ACTL7A: variants seen among roughly 807,000 people sequenced by gnomAD.
The protein encoded by ACTL7A is actin like 7A, also known as actin-like protein 7A.
A neutral mutation model predicts 30.3 loss-of-function variants in ACTL7A; 27 were observed. That is an observed-to-expected ratio of 0.89 (90% CI 0.66 to 1.23). The LOEUF (loss-of-function observed/expected upper bound fraction) is 1.23. Ranked by LOEUF, ACTL7A falls within the 50% of genes most tolerant of loss-of-function variation. The pLI, the probability that ACTL7A is intolerant of heterozygous loss-of-function variation, is 0.00. For synonymous variants in ACTL7A, 259 were observed against 241.4 expected, an observed-to-expected ratio of 1.07 and a Z score of -0.67; for missense variants, 566 against 571.8, an observed-to-expected ratio of 0.99 and a Z score of 0.10.
In ACTL7A at chr9:108,862,410, A is replaced by C. The variant is rs533177437; in HGVS notation, c.88A>C (p.Thr30Pro). 1.1e-5 allele frequency: 17 copies of C among 1,614,088 alleles called. No homozygotes were observed. Among genetic ancestry groups the C allele is most frequent in the African/African-American group, 1.3e-5 (1 of 75,048 alleles). The change falls in exon 1 of 1, where the codon ACT (threonine) becomes CCT (proline). Residue 30 changes from threonine to proline, a missense_variant. Physicochemically the swap from Thr to Pro is conservative, Grantham distance 38. Transcript: ENST00000333999. ...QAPLQTQALQ[T>P]ASLRDGPAKR... ...CCCCCTGCAGACACAGGCCCTCCAG[A>C]CTGCCTCTTTAAGGGATGGCCCGGC...
rs541324563 is a variant in ACTL7A at position 108,862,384 on chromosome 9, C to G, written c.62C>G (p.Ala21Gly). 2.0e-5 allele frequency: 33 copies of G among 1,613,706 alleles called. 1 individual carries two copies. The East Asian group carries it at 3.3e-4, about 16-fold the overall frequency. The change falls in exon 1 of 1, where the codon GCC becomes GGC. Residue 21 changes from alanine to glycine, a missense_variant. By Grantham distance (60) the Ala-to-Gly change is moderately conservative. Coordinates refer to ENST00000333999, the MANE Select transcript of ACTL7A (RefSeq NM_006687.4). ...DGPTKKVGNQ[A>G]PLQTQALQTA... The stretch of plus-strand genomic sequence containing the variant: ...CCCACCAAGAAGGTGGGCAACCAGG[C>G]CCCCCTGCAGACACAGGCCCTCCAG...
chr9:108,863,298 T>A lies in ACTL7A; in HGVS notation c.976T>A (p.Ser326Thr). ...FLCSEMFFKP[S>T]LIKSMQLGLH... ...CTGCTCGGAGATGTTCTTCAAGCCA[T>A]CTCTCATCAAGTCCATGCAGCTGGG... The change falls in exon 1 of 1, where the codon TCT (serine) becomes ACT (threonine). Residue 326 changes from serine to threonine, a missense_variant. Coordinates refer to ENST00000333999, the MANE Select transcript of ACTL7A (RefSeq NM_006687.4). 3 of 1,614,086 alleles carry A rather than the reference T, an allele frequency of 1.9e-6. No homozygotes were observed. Among genetic ancestry groups the A allele is most frequent in the Non-Finnish European group, 2.5e-6 (3 of 1,180,006 alleles).
Position 108,863,597 on chromosome 9 carries a change from CG to C in ACTL7A, c.1278del (p.Pro427LeufsTer27). 6.2e-7 allele frequency: 1 copy of C among 1,612,758 alleles called. No individual in the cohort carries two copies. Reference protein sequence around the residue: ...WVHRFEYEEHGPFFLYRRCF With the variant: ...WVHRFEYEEHXPFFLYRRCF ...TCCACCGCTTTGAGTACGAGGAACA[CG>C]GGCCTTTCTTCCTCTACAGAAGGTG... On this transcript the variant is annotated frameshift_variant, in exon 1 of 1. Coordinates refer to ENST00000333999, the MANE Select transcript of ACTL7A (RefSeq NM_006687.4). LOFTEE classifies it high-confidence loss of function.
rs775405375 is a variant in ACTL7A, at chr9:108,863,439, C to T, written c.1117C>T (p.Arg373Cys). The T allele has an allele frequency of 2.5e-5, 41 of 1,614,058 alleles. No homozygotes were observed. The highest frequency in any genetic ancestry group is 3.3e-5 in the Admixed American group (2 of 60,006). ...GSTMLSGFPN[R>C]LQKELSSMCP... ...CACGATGCTCAGTGGCTTCCCTAACCGTCTGCAGAAGGAGCTAAGCAGCAT... is the reference window on the plus strand; with the variant it reads ...CACGATGCTCAGTGGCTTCCCTAACTGTCTGCAGAAGGAGCTAAGCAGCAT... The change falls in exon 1 of 1, where the codon CGT (arginine) becomes TGT (cysteine). Residue 373 changes from arginine to cysteine, a missense_variant. By Grantham distance (180) the Arg-to-Cys change is radical (BLOSUM62 -3). Transcript: ENST00000333999.
Position 108,862,681 on chromosome 9 carries a change from A to C in ACTL7A, c.359A>C (p.Gln120Pro). The C allele has an allele frequency of 1.2e-6, 2 of 1,614,242 alleles. No homozygotes were observed. The highest frequency in any genetic ancestry group is 1.7e-6 in the Non-Finnish European group (2 of 1,180,046). The stretch of plus-strand genomic sequence containing the variant: ...AATCGCAAGGAGACATTCGTGGGGC[A>C]GGAACTCAACAACACAAACGTTCAT... ...GDNRKETFVG[Q>P]ELNNTNVHLK... Residue 120 changes from glutamine (Q) to proline (P), a missense_variant, in exon 1 of 1, where the codon CAG becomes CCG. Transcript: ENST00000333999.
rs1377290212 is a variant in ACTL7A, at chr9:108,863,314, T to C, written c.992T>C (p.Met331Thr). The C allele has an allele frequency of 4.3e-6, 7 of 1,614,028 alleles. No homozygotes were observed. Among genetic ancestry groups the C allele is most frequent in the Non-Finnish European group, 5.9e-6 (7 of 1,180,020 alleles). Residue 331 changes from methionine to threonine, a missense_variant, in exon 1 of 1, where the codon ATG becomes ACG. Transcript: ENST00000333999. ...MFFKPSLIKS[M>T]QLGLHTQTVS... ...TTCAAGCCATCTCTCATCAAGTCCA[T>C]GCAGCTGGGCCTCCACACCCAAACC... is the stretch of plus-strand genomic sequence containing the variant.
At position 108,862,821 on chromosome 9, in the gene ACTL7A, G is replaced by C. The variant is rs1326988523; in HGVS notation, c.499G>C (p.Val167Leu). Residue 167 changes from valine to leucine, a missense_variant, in exon 1 of 1, where the codon GTC becomes CTC. Transcript: ENST00000333999. Reference sequence around the variant, plus strand: ...GAAGATCGCCCCGGAGGAGCATGCGGTCTTGGTTTCAGACCCGCCACTGAG... The same window carrying C: ...GAAGATCGCCCCGGAGGAGCATGCGCTCTTGGTTTCAGACCCGCCACTGAG... ...EMKIAPEEHA[V>L]LVSDPPLSPH... 1.2e-6 allele frequency: 2 copies of C among 1,612,464 alleles called. No homozygotes were observed. The highest frequency in any genetic ancestry group is 2.7e-5 in the African/African-American group (2 of 74,908).
Position 108,863,300 on chromosome 9 carries a change from T to C in ACTL7A, c.978T>C (p.Ser326=), listed in dbSNP as rs1004886546. The change falls in exon 1 of 1, where the codon TCT becomes TCC. Residue 326 remains serine (S), a synonymous_variant. Coordinates refer to ENST00000333999, the MANE Select transcript of ACTL7A (RefSeq NM_006687.4). ...FLCSEMFFKP[S]LIKSMQLGLH... ...GCTCGGAGATGTTCTTCAAGCCATC[T>C]CTCATCAAGTCCATGCAGCTGGGCC... The C allele has an allele frequency of 6.2e-7, 1 of 1,613,964 alleles. No homozygotes were observed. Among genetic ancestry groups the C allele is most frequent in the Non-Finnish European group, 8.5e-7 (1 of 1,180,022 alleles).
rs148963985 is a variant in ACTL7A at position 108,862,658 on chromosome 9, T to G, written c.336T>G (p.Asn112Lys). Residue 112 changes from asparagine to lysine, a missense_variant, in exon 1 of 1, where the codon AAT (asparagine) becomes AAG (lysine). Asn to Lys is a moderately conservative substitution (Grantham distance 94, BLOSUM62 0). Coordinates refer to ENST00000333999, the MANE Select transcript of ACTL7A (RefSeq NM_006687.4). ...PYMETAKTGD[N>K]RKETFVGQEL... ...TGGAGACCGCCAAGACTGGGGATAA[T>G]CGCAAGGAGACATTCGTGGGGCAGG... 63 of 1,614,120 alleles carry G rather than the reference T, an allele frequency of 3.9e-5. No individual in the cohort carries two copies. The African/African-American group carries it at 7.2e-4, about 18-fold the overall frequency.
Position 108,863,570 on chromosome 9 carries a change from G to C in ACTL7A, c.1248G>C (p.Trp416Cys). ...LASLQGFQPLWVHRFEYEEHG... is the reference protein window; with the variant it reads ...LASLQGFQPLCVHRFEYEEHG... ...CACTTCAGGGTTTCCAACCATTGTG[G>C]GTCCACCGCTTTGAGTACGAGGAAC... The change falls in exon 1 of 1, where the codon TGG (tryptophan) becomes TGC (cysteine). Residue 416 changes from tryptophan to cysteine, a missense_variant. Coordinates refer to ENST00000333999, the MANE Select transcript of ACTL7A (RefSeq NM_006687.4). 3 of 1,614,074 alleles carry C rather than the reference G, an allele frequency of 1.9e-6. No individual in the cohort carries two copies. Among genetic ancestry groups the C allele is most frequent in the Non-Finnish European group, 2.5e-6 (3 of 1,179,984 alleles).
Position 108,862,526 on chromosome 9 carries a change from G to A in ACTL7A, c.204G>A (p.Val68=). The A allele has an allele frequency of 6.2e-7, 1 of 1,614,190 alleles. No individual in the cohort carries two copies. The highest frequency in any genetic ancestry group is 8.5e-7 in the Non-Finnish European group (1 of 1,180,032). ...KAAKERPKQE[V]TKAVVVDLGT... ...CCAAGGAGAGGCCCAAGCAGGAGGT[G>A]ACCAAAGCAGTGGTCGTGGACCTGG... The change falls in exon 1 of 1, where the codon GTG becomes GTA. Residue 68 remains valine (V), a synonymous_variant. Coordinates refer to ENST00000333999, the MANE Select transcript of ACTL7A (RefSeq NM_006687.4).
chr9:108,862,769 C>A lies in ACTL7A; in HGVS notation c.447C>A (p.Ile149=), dbSNP rs754567359. Reference sequence around the variant, plus strand: ...TGGACTGGGATACAGTGCAGGATATCTGGGAATATCTCTTCCGACAAGAGA... The same window carrying A: ...TGGACTGGGATACAGTGCAGGATATATGGGAATATCTCTTCCGACAAGAGA... ...IIVDWDTVQD[I]WEYLFRQEMK... The change falls in exon 1 of 1, where the codon ATC becomes ATA. Residue 149 remains isoleucine (I), a synonymous_variant. Coordinates refer to ENST00000333999, the MANE Select transcript of ACTL7A (RefSeq NM_006687.4). The A allele has an allele frequency of 6.2e-7, 1 of 1,614,198 alleles. No homozygotes were observed. Among genetic ancestry groups the A allele is most frequent in the Non-Finnish European group, 8.5e-7 (1 of 1,180,042 alleles).
chr9:108,863,735 A>C lies in ACTL7A; in HGVS notation c.*105A>C. The stretch of plus-strand genomic sequence containing the variant: ...CCGGCGCTTATTCCTGTAGCATTAA[A>C]CACCCCTCATATGCCCCTCCACAGT... On this transcript the variant is annotated 3_prime_UTR_variant, in exon 1 of 1. Coordinates refer to ENST00000333999, the MANE Select transcript of ACTL7A (RefSeq NM_006687.4). 9.3e-7 allele frequency: 1 copy of C among 1,080,866 alleles called. No homozygotes were observed. The highest frequency in any genetic ancestry group is 1.3e-6 in the Non-Finnish European group (1 of 763,064). The allele number at this position is 1,080,866 out of a possible 1,614,324, so 67.0% of individuals were successfully genotyped here.
rs201549336 is a variant in ACTL7A, at chr9:108,862,440, C to A, written c.118C>A (p.Arg40=). 11 of 1,613,964 alleles carry A rather than the reference C, an allele frequency of 6.8e-6. No individual in the cohort carries two copies. In the East Asian group the frequency reaches 2.5e-4, roughly 36 times the overall value. ...CTCTTTAAGGGATGGCCCGGCGAAG[C>A]GGGCCGTGTGGGTCCGCCATACGAG... ...TASLRDGPAK[R]AVWVRHTSSE... Residue 40 remains arginine (R), a synonymous_variant, in exon 1 of 1, where the codon CGG becomes AGG. Transcript: ENST00000333999.
Position 108,862,322 on chromosome 9 carries a change from C to G in ACTL7A, c.-1C>G. On this transcript the variant is annotated 5_prime_UTR_variant, in exon 1 of 1. Transcript: ENST00000333999. ...CTAAGAGTGGTGCGGCTCTTGACAA[C>G]ATGTGGGCTCCACCAGCAGCAATCA... 6.2e-7 allele frequency: 1 copy of G among 1,606,854 alleles called. No homozygotes were observed. Among genetic ancestry groups the G allele is most frequent in the Non-Finnish European group, 8.5e-7 (1 of 1,177,388 alleles).
rs369812697 is a variant in ACTL7A, at chr9:108,862,756, C to T, written c.434C>T (p.Thr145Ile). The change falls in exon 1 of 1, where the codon ACA becomes ATA. Residue 145 changes from threonine (T) to isoleucine (I), a missense_variant. Transcript: ENST00000333999. ...LRHGIIVDWD[T>I]VQDIWEYLFR... ...CATGGCATCATCGTGGACTGGGATA[C>T]AGTGCAGGATATCTGGGAATATCTC... The T allele has an allele frequency of 6.8e-6, 11 of 1,614,190 alleles. No homozygotes were observed. In the African/African-American group the frequency reaches 1.5e-4, roughly 22 times the overall value.
In ACTL7A at chr9:108,862,892, C is replaced by T; in HGVS notation, c.570C>T (p.Ala190=). Residue 190 remains alanine, a synonymous_variant, in exon 1 of 1, where the codon GCC becomes GCT. Transcript: ENST00000333999. The stretch of plus-strand genomic sequence containing the variant: ...AATATGCTGAAATGCTGTTTGAAGC[C>T]TTCAACACCCCTGCAATGCACATCG... ...REKYAEMLFE[A]FNTPAMHIAY... is the part of the protein sequence containing the mutation. 1 of 1,612,254 alleles carries T rather than the reference C, an allele frequency of 6.2e-7. No homozygotes were observed.
rs1827183128 is a variant in ACTL7A, at chr9:108,862,745, G to A, written c.423G>A (p.Val141=). The A allele has an allele frequency of 6.2e-7, 1 of 1,614,060 alleles. No homozygotes were observed. The highest frequency in any genetic ancestry group is 1.7e-5 in the Admixed American group (1 of 59,998). Residue 141 remains valine (V), a synonymous_variant, in exon 1 of 1, where the codon GTG becomes GTA. Transcript: ENST00000333999. ...LVNPLRHGII[V]DWDTVQDIWE... ...ACCCTCTGCGACATGGCATCATCGT[G>A]GACTGGGATACAGTGCAGGATATCT...
Position 108,862,931 on chromosome 9 carries a change from C to T in ACTL7A, c.609C>T (p.Arg203=), listed in dbSNP as rs766147732. 11 of 1,610,998 alleles carry T rather than the reference C, an allele frequency of 6.8e-6. No homozygotes were observed. Among genetic ancestry groups the T allele is most frequent in the Non-Finnish European group, 8.5e-6 (10 of 1,178,232 alleles). ...TPAMHIAYQS[R]LSMYSYGRTS... ...CAATGCACATCGCCTACCAGTCGCG[C>T]CTGTCCATGTACTCCTATGGAAGGA... Residue 203 remains arginine, a synonymous_variant, in exon 1 of 1, where the codon CGC becomes CGT. Coordinates refer to ENST00000333999, the MANE Select transcript of ACTL7A (RefSeq NM_006687.4).
Sources: gnomAD v4.1 joint callset for allele counts on GRCh38, gnomAD v4.1.1 for gene constraint, MANE v1.5 for transcripts, NCBI Gene and HGNC (gene_info 2026-07-23, HGNC 2026-07-21) for gene names.